Variants in CD46 observed in about 807,000 individuals in gnomAD.
The protein encoded by CD46 is CD46 molecule.
A neutral mutation model predicts 53.3 loss-of-function variants in CD46; 30 were observed. The ratio of observed to expected loss-of-function variants is 0.56; its 90% confidence interval spans 0.42 to 0.76. The LOEUF is 0.76. Among genes scored for constraint, CD46 ranks in the 30% least tolerant of loss-of-function variants. The probability of loss-of-function intolerance (pLI) is 0.00; values close to 1 mark genes in which losing one functional copy is unlikely to be tolerated. For synonymous variants in CD46, 142 were observed against 152.0 expected (o/e 0.93, Z 0.48); for missense variants, 409 against 463.0 (o/e 0.88, Z 1.07).
In CD46 at chr1:207,752,158, G is replaced by A; in HGVS notation, c.-55G>A. The A allele has an allele frequency of 6.5e-7, 1 of 1,528,670 alleles. No individual in the cohort carries two copies. Among genetic ancestry groups the A allele is most frequent in the Non-Finnish European group, 9.0e-7 (1 of 1,107,354 alleles). The allele number at this position is 1,528,670 out of a possible 1,614,324, so 94.7% of individuals were successfully genotyped here. ...CAGAAGGGACTTCCCTGCTCGGCTG[G>A]CTCTCGGTTTCTCTGCTTTCCTCCG... On this transcript the variant is annotated 5_prime_UTR_variant, in exon 1 of 13. Transcript: ENST00000367042. The surrounding 1 kb of genome is among the most constrained non-coding windows in gnomAD (Gnocchi z 4.1).
chr1:207,752,087 C>T lies in CD46; in HGVS notation c.-126C>T, dbSNP rs969331576. 4.2e-6 allele frequency: 4 copies of T among 960,714 alleles called. No individual in the cohort carries two copies. The highest frequency in any genetic ancestry group is 1.3e-5 in the South Asian group (1 of 77,724). The allele number at this position is 960,714 out of a possible 1,614,324, so 59.5% of individuals were successfully genotyped here. A position where few individuals can be genotyped will look rare whatever the true frequency, so the allele number is the denominator to read the frequency against. ...GGCCACGCCCACCTGTCCTGCAGCA[C>T]TGGATGCTTTGTGAGTTGGGGATTG... On this transcript the variant is annotated 5_prime_UTR_variant, in exon 1 of 13. Transcript: ENST00000367042. This position sits in a 1 kb window ranked among gnomAD's most constrained non-coding sequence, Gnocchi z 4.1.
intron 5 of CD46, among the ~76,000 whole-genome samples, chr1:207,766,291 T>C (rs565363432): frequency 6.6e-6 from 1 of 152,326 alleles, no homozygotes; most frequent in African/African-American, 2.4e-5. Context: ...TGAATTTTAC[T>C]GTATGTAAAT....
chr1:207,761,220 T>A, intron 4 of CD46, 29 bp from the exon 5 acceptor site: 1 of 1,437,454 alleles, frequency 7.0e-7, no homozygotes, highest in Non-Finnish European at 9.7e-7. Flanking sequence ...TCTTTTACAT[T>A]TCCTTTCCTC....
rs1654993696 is a variant in CD46 at position 207,752,252 on chromosome 1, T to C, written c.40T>C (p.Trp14Arg). ...CCGCCGCGAGTGTCCCTTTCCTTCC[T>C]GGCGCTTTCCTGGGTTGCTTCTGGC... is the stretch of plus-strand genomic sequence containing the variant. ...PGRRECPFPS[W>R]RFPGLLLAAM... Residue 14 changes from tryptophan (W) to arginine (R), a missense_variant, in exon 1 of 13, where the codon TGG (tryptophan) becomes CGG (arginine). Coordinates refer to ENST00000367042, the MANE Select transcript of CD46 (RefSeq NM_172351.3). This position sits in a 1 kb window ranked among gnomAD's most constrained non-coding sequence, Gnocchi z 4.1. The C allele has an allele frequency of 1.9e-6, 3 of 1,614,046 alleles. No individual in the cohort carries two copies. In the Admixed American group the frequency reaches 5.0e-5, roughly 27 times the overall value.
chr1:207,780,794 CTGAG>C (rs1393068165), intron 8 of CD46, among the ~76,000 whole-genome samples: 2 of 151,944 alleles, frequency 1.3e-5, no homozygotes, highest in African/African-American at 4.8e-5. Flanking sequence ...ATACCACAGA[CTGAG>C]TAACTTATAA....
At chr1:207,753,225 A>C (rs775998260) in intron 1 of CD46, among the ~76,000 whole-genome samples, 14 of 152,222 alleles carry the variant, frequency 9.2e-5, no homozygotes, top group Non-Finnish European at 1.9e-4. Flanking sequence ...CTAAAAAACA[A>C]TGGTAGCCAA....
chr1:207,776,490 CA>C (rs1417085595), intron 8 of CD46, among the ~76,000 whole-genome samples: 4 of 152,104 alleles, frequency 2.6e-5, no homozygotes, highest in African/African-American at 9.7e-5. Context: ...CCATCTTGGA[CA>C]AGATTTTTTT....
At chr1:207,754,767 G>A (rs1410611549) in intron 1 of CD46, among the ~76,000 whole-genome samples, 1 of 152,020 alleles carries the variant, frequency 6.6e-6, no homozygotes, top group Non-Finnish European at 1.5e-5. Context: ...CAGTACTTCA[G>A]TCTTGCATCT....
chr1:207,760,482 A>G (rs1656056505), intron 4 of CD46: 1 of 152,212 alleles, frequency 6.6e-6, no homozygotes, highest in South Asian at 2.1e-4. Flanking sequence ...TATAAATTGC[A>G]AAGGATTTCT....
intron 3 of CD46, among the ~76,000 whole-genome samples, chr1:207,758,105 A>G (rs1655768627): frequency 6.6e-6 from 1 of 152,156 alleles, no homozygotes; most frequent in Non-Finnish European, 1.5e-5. Flanking sequence ...GAAAAACCTT[A>G]TTTTTGAGAC....
intron 11 of CD46, chr1:207,786,021 A>G (rs1175467381): frequency 9.0e-6 from 2 of 222,046 alleles, no homozygotes; most frequent in Non-Finnish European, 1.8e-5. Context: ...AATTGCACTA[A>G]TGGCCAAAAT....
rs778787901 is a variant in CD46, at chr1:207,757,645, A to G, written c.389+3A>G. On this transcript the variant is annotated splice_donor_region_variant and intron_variant, in intron 3 of 12. Transcript: ENST00000367042. ...ATGCACTTTATTTGTAATGAGGGGT[A>G]AGTTGCTCCTTAGAGGAAATAAGGG... is the stretch of plus-strand genomic sequence containing the variant. 3 of 1,568,276 alleles carry G rather than the reference A, an allele frequency of 1.9e-6. No homozygotes were observed. The Admixed American group carries it at 5.1e-5, about 26-fold the overall frequency.
intron 8 of CD46, 138 bp downstream of exon 8, chr1:207,770,500 C>G: frequency 3.1e-6 from 2 of 655,534 alleles, no homozygotes; most frequent in East Asian, 5.8e-5. Context: ...GTTTGCTGCA[C>G]CCATCAACTC....
intron 8 of CD46, among the ~76,000 whole-genome samples, chr1:207,781,166 A>G (rs1478933900): frequency 1.3e-5 from 2 of 149,386 alleles, no homozygotes; most frequent in African/African-American, 2.5e-5. Flanking sequence ...TGCATACTAG[A>G]TATGCATTTC....
chr1:207,788,239 G>A (rs929400108), intron 11 of CD46, among the ~76,000 whole-genome samples: 1 of 151,946 alleles, frequency 6.6e-6, no homozygotes, highest in Middle Eastern at 3.2e-3. Context: ...ATTTCCAGCC[G>A]GGCCTGGTGG....
chr1:207,762,123 T>C (rs1050774650), intron 5 of CD46, among the ~76,000 whole-genome samples: 2 of 151,944 alleles, frequency 1.3e-5, no homozygotes, highest in Admixed American at 1.3e-4. Flanking sequence ...ACAAAGCCAA[T>C]CCCCAAAGAA....
intron 1 of CD46, among the ~76,000 whole-genome samples, chr1:207,753,868 T>C (rs183307249): frequency 2.6e-5 from 4 of 152,356 alleles, no homozygotes; most frequent in Non-Finnish European, 1.5e-5. Context: ...TTTTTTTCCT[T>C]AGGAGCATTC....
chr1:207,789,934 A>G (rs182075230), intron 11 of CD46, among the ~76,000 whole-genome samples: 7 of 151,914 alleles, frequency 4.6e-5, no homozygotes, highest in Non-Finnish European at 4.4e-5. Flanking sequence ...TTTCTCCCCA[A>G]CAATCTGTTA....
At position 207,752,425 on chromosome 1, in the gene CD46, C is replaced by T; in HGVS notation, c.97+116C>T. 2.1e-6 allele frequency: 2 copies of T among 971,470 alleles called. No homozygotes were observed. The highest frequency in any genetic ancestry group is 3.3e-6 in the Non-Finnish European group (2 of 604,946). The allele number at this position is 971,470 out of a possible 1,614,324, so 60.2% of individuals were successfully genotyped here. A position where few individuals can be genotyped will look rare whatever the true frequency, so the allele number is the denominator to read the frequency against. On this transcript the variant is annotated intron_variant, in intron 1 of 12. Transcript: ENST00000367042. The surrounding 1 kb of genome is among the most constrained non-coding windows in gnomAD (Gnocchi z 4.1). ...CGTGCCTGTTTGGGGACAGGGTTCT[C>T]TGAGGGGTGCAGTGCTCAGATCCCG... is the stretch of plus-strand genomic sequence containing the variant.
Sources: gnomAD v4.1 joint callset for allele counts (sites outside exome capture counted in the v4.1 genomes callset) on GRCh38, gnomAD v4.1.1 for gene constraint, Gnocchi (gnomAD v3.1) non-coding constraint, MANE v1.5 for transcripts, NCBI Gene and HGNC (gene_info 2026-07-23, HGNC 2026-07-21) for gene names.